FHIT: variants seen among roughly 807,000 people sequenced by gnomAD.
FHIT encodes fragile histidine triad diadenosine triphosphatase, also known as bis(5'-adenosyl)-triphosphatase.
FHIT carries 19 observed loss-of-function variants against 17.9 expected under a neutral mutation model. The ratio of observed to expected loss-of-function variants is 1.06; its 90% CI spans 0.74 to 1.56. The LOEUF (loss-of-function observed/expected upper bound fraction) is 1.56. Among genes scored for constraint, FHIT ranks in the 40% most tolerant of loss-of-function variants. FHIT has a pLI of 0.00. For synonymous variants in FHIT, 81 were observed against 69.7 expected, an observed-to-expected ratio of 1.16 and a Z score of -0.81; for missense variants, 248 against 189.2, an observed-to-expected ratio of 1.31 and a Z score of -1.82.
chr3:60,595,417 A>G (rs1213197765), intron 4 of FHIT, among the ~76,000 whole-genome samples: 4 of 151,002 alleles, frequency 2.6e-5, no homozygotes, highest in African/African-American at 7.3e-5. Context: ...GCAGTGAGCC[A>G]TGTATTAAAG....
chr3:61,210,579 C>G (rs567350844), intron 1 of FHIT, among the ~76,000 whole-genome samples: 1 of 152,188 alleles, frequency 6.6e-6, no homozygotes, highest in Non-Finnish European at 1.5e-5. Flanking sequence ...ATGAGTGAGG[C>G]TCCGTGGGCG....
chr3:59,815,022 T>C (rs1042308033), intron 8 of FHIT, among the ~76,000 whole-genome samples: 7 of 152,262 alleles, frequency 4.6e-5, no homozygotes, highest in African/African-American at 1.7e-4. Flanking sequence ...ACTTACCATG[T>C]GTGAATATTG....
intron 5 of FHIT, among the ~76,000 whole-genome samples, chr3:60,116,884 T>C (rs1704987688): frequency 1.5e-5 from 2 of 135,586 alleles, no homozygotes; most frequent in Non-Finnish European, 3.4e-5. Context: ...AAATTTCCCT[T>C]CTATTTTTTG....
At chr3:60,848,127 C>G (rs1702997055) in intron 3 of FHIT, among the ~76,000 whole-genome samples, 1 of 152,138 alleles carries the variant, frequency 6.6e-6, no homozygotes, top group Non-Finnish European at 1.5e-5. Flanking sequence ...TGGCATTAGT[C>G]TATTTTCCAT....
At position 61,050,747 on chromosome 3, in the gene FHIT, G is replaced by C. The variant is rs190838436; in HGVS notation, c.-163-8648C>G. ...CGCATGGGTGTTCATTATGCTATTA[G>C]TTCTACATTTGTGTATATTTGAAAT... On this transcript the variant is annotated intron_variant, in intron 2 of 9. Transcript: ENST00000492590. Among the ~76,000 whole-genome samples, 120 of 152,312 alleles carry C rather than the reference G, an allele frequency of 7.9e-4. 3 individuals are homozygous for C. The highest frequency in any genetic ancestry group is 7.2e-4 in the Admixed American group (11 of 15,296).
At chr3:60,525,454 G>T (rs1304793994) in intron 5 of FHIT, among the ~76,000 whole-genome samples, 2 of 151,828 alleles carry the variant, frequency 1.3e-5, no homozygotes, top group Non-Finnish European at 2.9e-5. Flanking sequence ...TTTTTTTTAA[G>T]ATTTATGTCA....
chr3:60,874,056 T>C (rs2107084696), intron 3 of FHIT, among the ~76,000 whole-genome samples: 1 of 152,280 alleles, frequency 6.6e-6, no homozygotes, highest in Admixed American at 6.5e-5. Context: ...AATTATGAAA[T>C]TATTGAACTG....
chr3:59,781,058 T>C (rs940383703), intron 8 of FHIT, among the ~76,000 whole-genome samples: 2 of 152,166 alleles, frequency 1.3e-5, no homozygotes, highest in Non-Finnish European at 2.9e-5. Context: ...AAAGTCCTCC[T>C]TACACTGAAC....
At chr3:60,825,519 T>C (rs112928325) in intron 3 of FHIT, among the ~76,000 whole-genome samples, 7,489 of 152,190 alleles carry the variant, frequency 0.049, 227 homozygotes, top group South Asian at 0.11. Context: ...CTGTGGCCTG[T>C]TAGGGACCAG....
intron 2 of FHIT, among the ~76,000 whole-genome samples, chr3:61,122,013 T>C (rs892707618): frequency 2.0e-5 from 3 of 152,184 alleles, no homozygotes; most frequent in Non-Finnish European, 4.4e-5. Flanking sequence ...AAGGGATCGA[T>C]GCAACAAGAA....
intron 2 of FHIT, among the ~76,000 whole-genome samples, chr3:61,077,385 C>T (rs1002601083): frequency 1.6e-4 from 24 of 151,660 alleles, no homozygotes; most frequent in African/African-American, 2.9e-4. Context: ...ACAGGAAAGG[C>T]GAGAAATTAG....
At chr3:59,923,890 T>C (rs2107198828) in intron 7 of FHIT, among the ~76,000 whole-genome samples, 1 of 152,196 alleles carries the variant, frequency 6.6e-6, no homozygotes, top group South Asian at 2.1e-4. Flanking sequence ...AGAGAGGAGC[T>C]TCAAAGCAGC....
chr3:60,200,047 G>T (rs573488536), intron 5 of FHIT, among the ~76,000 whole-genome samples: 1 of 152,156 alleles, frequency 6.6e-6, no homozygotes, highest in East Asian at 1.9e-4. Flanking sequence ...TTCAGAAGAG[G>T]GTGATCAAGA....
At chr3:60,010,869 G>C (rs1297868187) in intron 7 of FHIT, among the ~76,000 whole-genome samples, 2 of 152,136 alleles carry the variant, frequency 1.3e-5, no homozygotes, top group African/African-American at 2.4e-5. Context: ...AGTAGGTGTG[G>C]GGGTGACGAG....
chr3:61,137,493 C>T (rs1342362890), intron 2 of FHIT, among the ~76,000 whole-genome samples: 1 of 152,084 alleles, frequency 6.6e-6, no homozygotes, highest in Non-Finnish European at 1.5e-5. Flanking sequence ...AGAGCCCTGT[C>T]TCACTATGCT....
At chr3:60,309,480 C>A (rs1484291225) in intron 5 of FHIT, among the ~76,000 whole-genome samples, 1 of 152,100 alleles carries the variant, frequency 6.6e-6, no homozygotes, top group Non-Finnish European at 1.5e-5. Context: ...AAGATGACGA[C>A]AAAACTTTTT....
At chr3:60,430,713 A>G (rs1048287543) in intron 5 of FHIT, among the ~76,000 whole-genome samples, 8 of 152,164 alleles carry the variant, frequency 5.3e-5, no homozygotes, top group African/African-American at 1.7e-4. Flanking sequence ...AACAGTCACC[A>G]ACTTCTTGAT....
intron 4 of FHIT, among the ~76,000 whole-genome samples, chr3:60,742,006 T>G (rs2108010970): frequency 6.6e-6 from 1 of 152,308 alleles, no homozygotes; most frequent in Non-Finnish European, 1.5e-5. Context: ...TCTAGAAGTT[T>G]CCCAGGATAT....
chr3:60,421,643 A>G (rs1477321623), intron 5 of FHIT, among the ~76,000 whole-genome samples: 2 of 152,138 alleles, frequency 1.3e-5, no homozygotes. Context: ...TATTACATAA[A>G]GCATTATTAT....
Sources: gnomAD v4.1 joint callset for allele counts (sites outside exome capture counted in the v4.1 genomes callset) on GRCh38, gnomAD v4.1.1 for gene constraint, MANE v1.5 for transcripts, NCBI Gene and HGNC (gene_info 2026-07-23, HGNC 2026-07-21) for gene names.